Variants in DAZL observed in about 807,000 individuals in gnomAD.
DAZL encodes the protein deleted in azoospermia like.
In DAZL, 4 loss-of-function variants were observed where a neutral mutation model predicts 45.0. That is an observed-to-expected ratio of 0.09 (90% CI 0.04 to 0.20). DAZL has a LOEUF of 0.20. DAZL is among the 10% of genes least tolerant of loss of function. The pLI, the probability that DAZL is intolerant of heterozygous loss-of-function variation, is 1.00. For missense variants in DAZL, 326 were observed against 351.3 expected, an observed-to-expected ratio of 0.93 and a Z score of 0.58; for synonymous variants, 122 against 112.4, an observed-to-expected ratio of 1.09 and a Z score of -0.54.
At position 16,587,453 on chromosome 3, in the gene DAZL, T is replaced by C. The variant is rs529440915; in HGVS notation, c.*1207A>G. On this transcript the variant is annotated 3_prime_UTR_variant, in exon 11 of 11. Transcript: ENST00000399444. ...TGCTCTGCTCATACAGCTACTTTCA[T>C]TCTTTATATCACCAGTTCTAGGAGC... The C allele has an allele frequency of 1.3e-5, 2 of 152,632 alleles. No homozygotes were observed. Among genetic ancestry groups the C allele is most frequent in the Non-Finnish European group, 2.9e-5 (2 of 68,038 alleles). The allele number at this position is 152,632 out of a possible 1,614,324, so 9.5% of individuals were successfully genotyped here.
intron 7 of DAZL, 47 bp downstream of exon 7, chr3:16,595,267 C>T (rs368616887): frequency 1.9e-6 from 2 of 1,055,348 alleles, no homozygotes; most frequent in Non-Finnish European, 2.8e-6. Flanking sequence ...AAGTTAAAGG[C>T]CTCAATAAAA....
intron 4 of DAZL, 28 bp from the exon 5 acceptor site, chr3:16,597,079 A>G (rs765877374): frequency 6.2e-7 from 1 of 1,601,060 alleles, no homozygotes; most frequent in African/African-American, 1.3e-5. Context: ...ACAAAACTAG[A>G]ATCAATTTTC....
Position 16,596,845 on chromosome 3 carries a change from G to A in DAZL, c.403C>T (p.Pro135Ser), listed in dbSNP as rs200935066. 60 of 1,613,768 alleles carry A rather than the reference G, an allele frequency of 3.7e-5. No homozygotes were observed. The highest frequency in any genetic ancestry group is 4.7e-5 in the Non-Finnish European group (55 of 1,179,794). ...CAGACATTCTGAAACTGTGGTGGAG[G>A]AGGATGATTAAAAACCAAAGGACGT... is the stretch of plus-strand genomic sequence containing the variant. The part of the protein sequence containing the change: ...QPRPLVFNHP[P>S]PPQFQNVWTN... The change falls in exon 6 of 11, where the codon CCT becomes TCT. Residue 135 changes from proline (P) to serine (S), a missense_variant. By Grantham distance (74) the Pro-to-Ser change is moderately conservative. Transcript: ENST00000399444.
At chr3:16,604,918 T>A in intron 1 of DAZL, 1 of 671,876 alleles carries the variant, frequency 1.5e-6, no homozygotes, top group Non-Finnish European at 2.5e-6. Context: ...AATGGGTGCC[T>A]CAAGAAGGCC....
chr3:16,601,855 C>T (rs1257041367), intron 1 of DAZL, among the ~76,000 whole-genome samples: 1 of 152,160 alleles, frequency 6.6e-6, no homozygotes, highest in Admixed American at 6.5e-5. Context: ...GTGACAAAGA[C>T]AGCTAAAAGC....
chr3:16,589,378 C>T (rs1694484912), intron 10 of DAZL, among the ~76,000 whole-genome samples: 1 of 152,020 alleles, frequency 6.6e-6, no homozygotes, highest in Non-Finnish European at 1.5e-5. Flanking sequence ...TTAACTGTGC[C>T]CTTTTCCTAG....
Position 16,587,405 on chromosome 3 carries a change from G to C in DAZL, c.*1255C>G, listed in dbSNP as rs142574083. The C allele has an allele frequency of 1.3e-5, 2 of 152,632 alleles. No individual in the cohort carries two copies. The highest frequency in any genetic ancestry group is 4.8e-5 in the African/African-American group (2 of 41,526). 9.5% of individuals were successfully genotyped at this position (152,632 alleles called of 1,614,324 possible). A position where few individuals can be genotyped will look rare whatever the true frequency, so the allele number is the denominator to read the frequency against. ...AAAGGTATTATATCCCATTGCTACC[G>C]TTCCAGGGTTTGGCCCTTGAACTGC... On this transcript the variant is annotated 3_prime_UTR_variant, in exon 11 of 11. Transcript: ENST00000399444.
At chr3:16,603,915 T>C (rs957751436) in intron 1 of DAZL, among the ~76,000 whole-genome samples, 1 of 152,150 alleles carries the variant, frequency 6.6e-6, no homozygotes, top group Admixed American at 6.5e-5. Flanking sequence ...GGGATTAAGA[T>C]GGATTGCTAT....
At chr3:16,603,086 T>C (rs1234009926) in intron 1 of DAZL, among the ~76,000 whole-genome samples, 1 of 152,218 alleles carries the variant, frequency 6.6e-6, no homozygotes, top group East Asian at 1.9e-4. Context: ...ATACCTTTCA[T>C]TGGAAAGGGT....
chr3:16,599,172 A>G (rs1252001222), intron 1 of DAZL, among the ~76,000 whole-genome samples: 1 of 149,714 alleles, frequency 6.7e-6, no homozygotes, highest in African/African-American at 2.4e-5. Flanking sequence ...TGAAAATACT[A>G]TGTGAATTAC....
chr3:16,600,266 TAAGA>T (rs770221538), intron 1 of DAZL, among the ~76,000 whole-genome samples: 7 of 152,196 alleles, frequency 4.6e-5, no homozygotes, highest in South Asian at 2.1e-4. Flanking sequence ...TAGGAATTAA[TAAGA>T]AAGTAGAGTT....
chr3:16,601,640 G>T (rs1260979992), intron 1 of DAZL, among the ~76,000 whole-genome samples: 1 of 152,144 alleles, frequency 6.6e-6, no homozygotes, highest in African/African-American at 2.4e-5. Flanking sequence ...TAATTTTAAA[G>T]AAAGTACCAT....
chr3:16,598,200 C>CAA (rs1694629834), intron 2 of DAZL, 22 bp from the exon 3 acceptor site: 1 of 1,561,566 alleles, frequency 6.4e-7, no homozygotes, highest in Admixed American at 1.7e-5. Context: ...AATTGAACTT[C>CAA]AAGAGTAAAA....
Position 16,588,038 on chromosome 3 carries a change from T to A in DAZL, c.*622A>T, listed in dbSNP as rs901530347. On this transcript the variant is annotated 3_prime_UTR_variant, in exon 11 of 11. Coordinates refer to ENST00000399444, the MANE Select transcript of DAZL (RefSeq NM_001351.4). ...CTACCCTAATCAAATAGGATATATA[T>A]GTGTGGATTCTAGCTAAAAGATAAA... 2.6e-5 allele frequency: 4 copies of A among 156,608 alleles called. No individual in the cohort carries two copies. The highest frequency in any genetic ancestry group is 5.6e-5 in the Non-Finnish European group (4 of 71,350). The allele number at this position is 156,608 out of a possible 1,614,324, so 9.7% of individuals were successfully genotyped here.
chr3:16,588,680 C>T lies in DAZL; in HGVS notation c.868G>A (p.Ala290Thr), dbSNP rs1291765463. The T allele has an allele frequency of 2.5e-6, 4 of 1,611,608 alleles. No individual in the cohort carries two copies. The highest frequency in any genetic ancestry group is 3.4e-6 in the Non-Finnish European group (4 of 1,178,146). ...GAGGATCAAACAGATTTAAGCATTG[C>T]CCGACTTCTTCTAAAGTGATGCACT... ...KRVHHFRRSR[A>T]MLKSV The change falls in exon 11 of 11, where the codon GCA becomes ACA. Residue 290 changes from alanine (A) to threonine (T), a missense_variant. Ala to Thr is a moderately conservative substitution (Grantham distance 58). Transcript: ENST00000399444.
chr3:16,597,898 A>G (rs1360456803), intron 3 of DAZL, among the ~76,000 whole-genome samples, 189 bp downstream of exon 3: 1 of 152,246 alleles, frequency 6.6e-6, no homozygotes. Flanking sequence ...TATGAAATAA[A>G]GATTGAAGAT....
Position 16,596,863 on chromosome 3 carries a change from A to C in DAZL, c.385T>G (p.Leu129Val). 1 of 1,613,878 alleles carries C rather than the reference A, an allele frequency of 6.2e-7. No individual in the cohort carries two copies. Among genetic ancestry groups the C allele is most frequent in the Non-Finnish European group, 8.5e-7 (1 of 1,179,774 alleles). ...GGTGGAGGAGGATGATTAAAAACCA[A>C]AGGACGTGGCTGCACATGATAAGCA... ...LCAYHVQPRP[L>V]VFNHPPPPQF... Residue 129 changes from leucine (L) to valine (V), a missense_variant, in exon 6 of 11, where the codon TTG becomes GTG. Around this residue, in one of 3 missense-constraint regions of DAZL, gnomAD observed 227 missense variants for 216.6 expected, o/e 1.05. Transcript: ENST00000399444.
chr3:16,605,244 G>T lies in DAZL; in HGVS notation c.-39C>A. 1 of 1,614,014 alleles carries T rather than the reference G, an allele frequency of 6.2e-7. No homozygotes were observed. Among genetic ancestry groups the T allele is most frequent in the Non-Finnish European group, 8.5e-7 (1 of 1,179,858 alleles). On this transcript the variant is annotated 5_prime_UTR_variant, in exon 1 of 11. Coordinates refer to ENST00000399444, the MANE Select transcript of DAZL (RefSeq NM_001351.4). ...AGCAGTTCCCGACCGGCTCCAGGAG[G>T]AGCAGAGGCTGTGCTTGGCGCACCA...
At chr3:16,597,988 G>GC in intron 3 of DAZL, 99 bp downstream of exon 3, 1 of 1,228,908 alleles carries the variant, frequency 8.1e-7, no homozygotes, top group Non-Finnish European at 1.2e-6. Flanking sequence ...AATTAACACA[G>GC]CAACAAATTT....
Sources: allele counts gnomAD v4.1 joint callset (sites outside exome capture counted in the v4.1 genomes callset), GRCh38; gene constraint gnomAD v4.1.1; regional missense constraint gnomAD v4.1.1; transcripts MANE v1.5; gene names NCBI Gene and HGNC (gene_info 2026-07-23, HGNC 2026-07-21).